SH3BP4: variants seen among roughly 807,000 people sequenced by gnomAD.
SH3BP4 encodes the protein SH3 domain-binding protein 4.
SH3BP4 carries 33 observed loss-of-function variants against 65.5 expected under a neutral mutation model. That is an observed-to-expected ratio of 0.50 (90% CI 0.38 to 0.67). The LOEUF (loss-of-function observed/expected upper bound fraction) is 0.67, where lower values mean the gene tolerates loss of function less well. Among genes scored for constraint, SH3BP4 ranks in the 30% least tolerant of loss-of-function variants. The pLI is 0.00. For synonymous variants in SH3BP4, 552 were observed against 545.5 expected (o/e 1.01, Z -0.17); for missense variants, 1,134 against 1,261.4 (o/e 0.90, Z 1.53).
chr2:235,041,262 G>C lies in SH3BP4; in HGVS notation c.493G>C (p.Val165Leu), dbSNP rs1470767467. 2 of 1,614,134 alleles carry C rather than the reference G, an allele frequency of 1.2e-6. No individual in the cohort carries two copies. Among genetic ancestry groups the C allele is most frequent in the Non-Finnish European group, 1.7e-6 (2 of 1,180,026 alleles). Residue 165 changes from valine to leucine, a missense_variant, in exon 4 of 6, where the codon GTC becomes CTC. Physicochemically the swap from Val to Leu is conservative, Grantham distance 32. Coordinates refer to ENST00000392011, the MANE Select transcript of SH3BP4 (RefSeq NM_014521.3). This position sits in a 1 kb window ranked among gnomAD's most constrained non-coding sequence, Gnocchi z 6.0. ...MYSNNPFWNG[V>L]QTNPFLNGNV... is the part of the protein sequence containing the mutation. ...CAGTAATAACCCTTTCTGGAATGGG[G>C]TCCAGACCAATCCATTTCTGAATGG... is the stretch of plus-strand genomic sequence containing the variant.
At chr2:235,044,903 G>A (rs1280573525) in intron 4 of SH3BP4, among the ~76,000 whole-genome samples, 4 of 152,222 alleles carry the variant, frequency 2.6e-5, no homozygotes, top group African/African-American at 7.2e-5. Context: ...GGAGGGAGAT[G>A]GAACTGGAAG....
At chr2:234,972,435 A>G (rs1393572916) in intron 1 of SH3BP4, among the ~76,000 whole-genome samples, 2 of 151,902 alleles carry the variant, frequency 1.3e-5, no homozygotes, top group Non-Finnish European at 2.9e-5. Flanking sequence ...TAATCCCTTC[A>G]GTTTTTTTGT....
In SH3BP4 at chr2:235,042,147, AT is replaced by A; in HGVS notation, c.1379del (p.Ile460ThrfsTer32). Reference sequence around the variant, plus strand: ...GGCTGTCGTGGCCCATGGCCCAAGCATCCTCTACCCTTCCACCGTGTGGGAC... The same window carrying A: ...GGCTGTCGTGGCCCATGGCCCAAGCACCTCTACCCTTCCACCGTGTGGGAC... ...YVAVVAHGPS[I>X]LYPSTVWDFI... On this transcript the variant is annotated frameshift_variant, in exon 4 of 6. Transcript: ENST00000392011. LOFTEE classifies it high-confidence loss of function. This position sits in a 1 kb window ranked among gnomAD's most constrained non-coding sequence, Gnocchi z 7.3. 1 of 1,614,074 alleles carries A rather than the reference AT, an allele frequency of 6.2e-7. No individual in the cohort carries two copies. Among genetic ancestry groups the A allele is most frequent in the African/African-American group, 1.3e-5 (1 of 75,038 alleles).
chr2:235,040,817 T>C, intron 3 of SH3BP4, 71 bp from the exon 4 acceptor site: 3 of 1,356,048 alleles, frequency 2.2e-6, no homozygotes, highest in Non-Finnish European at 3.1e-6. Context: ...CCGTCCTCTC[T>C]CCTTTGGGAA....
intron 2 of SH3BP4, among the ~76,000 whole-genome samples, chr2:235,003,576 AG>A (rs1231666806): frequency 1.3e-5 from 2 of 152,152 alleles, no homozygotes; most frequent in Non-Finnish European, 2.9e-5. Context: ...TGAGGGGTGG[AG>A]GGGGTCAAAT....
intron 1 of SH3BP4, among the ~76,000 whole-genome samples, chr2:234,980,082 T>A (rs1335249873): frequency 6.6e-6 from 1 of 152,232 alleles, no homozygotes; most frequent in African/African-American, 2.4e-5. Context: ...CTGAGCATTA[T>A]GTTCTTGAGG....
chr2:234,962,473 T>G (rs1327906720), intron 1 of SH3BP4, among the ~76,000 whole-genome samples: 1 of 152,258 alleles, frequency 6.6e-6, no homozygotes, highest in East Asian at 1.9e-4. Context: ...TAAAAAAACC[T>G]TTTCTGCTTA....
intron 2 of SH3BP4, among the ~76,000 whole-genome samples, chr2:235,015,963 T>C (rs1027478646): frequency 1.3e-5 from 2 of 152,028 alleles, no homozygotes; most frequent in Non-Finnish European, 2.9e-5. Context: ...TGGGGTCCCC[T>C]GTGCTCATCA....
intron 2 of SH3BP4, among the ~76,000 whole-genome samples, chr2:235,025,692 C>T (rs1280266218): frequency 3.3e-5 from 5 of 152,214 alleles, no homozygotes; most frequent in Non-Finnish European, 7.3e-5. Context: ...AAATAACAAG[C>T]ACGATGAACA....
chr2:235,020,738 A>G (rs1325353095), intron 2 of SH3BP4, among the ~76,000 whole-genome samples: 1 of 152,224 alleles, frequency 6.6e-6, no homozygotes, highest in African/African-American at 2.4e-5. Context: ...AACAGTTATA[A>G]CATCAACCCT....
intron 2 of SH3BP4, among the ~76,000 whole-genome samples, chr2:235,013,930 C>T (rs778915704): frequency 3.6e-4 from 54 of 152,108 alleles, no homozygotes; most frequent in Middle Eastern, 3.4e-3. Context: ...TAACCCCCTC[C>T]TAGGATTGAT....
chr2:235,014,878 T>G (rs1365507740), intron 2 of SH3BP4, among the ~76,000 whole-genome samples: 1 of 152,208 alleles, frequency 6.6e-6, no homozygotes, highest in East Asian at 1.9e-4. Context: ...TTCAGCATCT[T>G]TAGAAGGGAC....
chr2:235,001,764 G>A (rs1373543124), intron 2 of SH3BP4, among the ~76,000 whole-genome samples: 11 of 152,338 alleles, frequency 7.2e-5, no homozygotes, highest in Non-Finnish European at 1.0e-4. Context: ...CTCACGGACC[G>A]TTCGGGCAAC....
intron 1 of SH3BP4, among the ~76,000 whole-genome samples, chr2:234,965,165 A>G (rs896988575): frequency 6.6e-6 from 1 of 152,250 alleles, no homozygotes; most frequent in African/African-American, 2.4e-5. Flanking sequence ...GAGTCACAGC[A>G]TTCTTTCATC....
intron 3 of SH3BP4, among the ~76,000 whole-genome samples, chr2:235,039,233 A>G (rs898583911): frequency 1.3e-5 from 2 of 152,292 alleles, no homozygotes; most frequent in Admixed American, 6.5e-5. Context: ...GGATGCTCCC[A>G]GCTAAGCGCA....
intron 4 of SH3BP4, among the ~76,000 whole-genome samples, chr2:235,047,696 C>T (rs1695912978): frequency 6.6e-6 from 1 of 152,098 alleles, no homozygotes; most frequent in African/African-American, 2.4e-5. Flanking sequence ...GGCCTCAGGC[C>T]CAGGGAGAAC....
intron 1 of SH3BP4, among the ~76,000 whole-genome samples, chr2:234,963,767 G>C (rs2106242147): frequency 6.6e-6 from 1 of 152,290 alleles, no homozygotes; most frequent in Non-Finnish European, 1.5e-5. Flanking sequence ...AGCTTCTCCA[G>C]GGTCATGTCG....
intron 4 of SH3BP4, among the ~76,000 whole-genome samples, chr2:235,047,441 C>T (rs1695901116): frequency 1.3e-5 from 2 of 152,300 alleles, no homozygotes; most frequent in East Asian, 1.9e-4. Context: ...TCGGTGGGCT[C>T]CCGTCAGGCA....
chr2:234,980,323 A>T (rs1240204948), intron 1 of SH3BP4, among the ~76,000 whole-genome samples: 1 of 152,224 alleles, frequency 6.6e-6, no homozygotes, highest in African/African-American at 2.4e-5. Context: ...ACAATAATGA[A>T]TAATAAAATA....
Sources: allele counts gnomAD v4.1 joint callset (sites outside exome capture counted in the v4.1 genomes callset), GRCh38; gene constraint gnomAD v4.1.1; non-coding constraint Gnocchi (gnomAD v3.1); transcripts MANE v1.5; gene names NCBI Gene and HGNC (gene_info 2026-07-23, HGNC 2026-07-21).